Variants in LRRC37A2 observed in about 807,000 individuals in gnomAD.
The protein encoded by LRRC37A2 is leucine-rich repeat-containing protein 37A2.
In LRRC37A2, 9 loss-of-function variants were observed where a neutral mutation model predicts 68.8. The ratio of observed to expected loss-of-function variants is 0.13; its 90% CI spans 0.08 to 0.23. The LOEUF (loss-of-function observed/expected upper bound fraction) is 0.23, where lower values mean the gene tolerates loss of function less well. Among genes scored for constraint, LRRC37A2 ranks in the 10% least tolerant of loss-of-function variants. The pLI is 1.00. For missense variants in LRRC37A2, 168 were observed against 950.4 expected, an observed-to-expected ratio of 0.18 and a Z score of 10.82; for synonymous variants, 63 against 367.6, an observed-to-expected ratio of 0.17 and a Z score of 9.48.
chr17:46,779,869 C>CT, the LRRC37A2 span, among the ~76,000 whole-genome samples: 6 of 152,242 alleles, frequency 3.9e-5, no homozygotes, highest in Admixed American at 3.9e-4. Flanking sequence ...AGTGATTCTC[C>CT]TGCCTCGGCC....
the LRRC37A2 span, chr17:47,027,689 C>A: frequency 2.5e-6 from 2 of 784,626 alleles, no homozygotes; most frequent in Non-Finnish European, 4.3e-6. Flanking sequence ...TTATAAACCT[C>A]TTTGCTATTC....
chr17:46,966,782 A>T, the LRRC37A2 span: 38 of 429,440 alleles, frequency 8.8e-5, no homozygotes, highest in South Asian at 2.6e-3. Context: ...CCTGCCTTGC[A>T]AGAATTATTT....
At chr17:47,028,481 T>C in the LRRC37A2 span, 3 of 720,364 alleles carry the variant, frequency 4.2e-6, no homozygotes, top group Non-Finnish European at 7.4e-6. Context: ...TAAGATCCAT[T>C]CATTTTTCTC....
At chr17:46,939,923 T>G in the LRRC37A2 span, 2 of 999,820 alleles carry the variant, frequency 2.0e-6, no homozygotes, top group Non-Finnish European at 2.4e-6. Flanking sequence ...ATGTTCTCAT[T>G]TACCACAGGC....
the LRRC37A2 span, among the ~76,000 whole-genome samples, chr17:46,757,770 G>A: frequency 6.6e-6 from 1 of 151,994 alleles, no homozygotes; most frequent in African/African-American, 2.4e-5. Context: ...GAGGTGGGTG[G>A]ATCACTTGAG....
At chr17:46,996,957 A>T in the LRRC37A2 span, among the ~76,000 whole-genome samples, 1 of 152,228 alleles carries the variant, frequency 6.6e-6, no homozygotes, top group Non-Finnish European at 1.5e-5. Context: ...CCCAGAATTG[A>T]TGAGATAAGA....
the LRRC37A2 span, among the ~76,000 whole-genome samples, chr17:46,922,495 T>C: frequency 6.6e-6 from 1 of 152,170 alleles, no homozygotes; most frequent in East Asian, 1.9e-4. Flanking sequence ...TAAAAAATAA[T>C]AAAATAAAGA....
At chr17:46,764,442 T>C in the LRRC37A2 span, 1 of 152,460 alleles carries the variant, frequency 6.6e-6, no homozygotes, top group Non-Finnish European at 1.5e-5. Context: ...AAATGTAAGA[T>C]GAGAGAGAGG....
the LRRC37A2 span, among the ~76,000 whole-genome samples, chr17:46,710,148 A>G: frequency 7.2e-5 from 11 of 152,336 alleles, no homozygotes; most frequent in South Asian, 6.2e-4. Context: ...GAAATTCTCA[A>G]GATACATGAT....
At chr17:46,779,132 C>T in the LRRC37A2 span, among the ~76,000 whole-genome samples, 10 of 149,950 alleles carry the variant, frequency 6.7e-5, no homozygotes, top group Non-Finnish European at 5.9e-5. Flanking sequence ...TCCAAAGGGC[C>T]GGGCACATGC....
At chr17:46,900,182 T>TATATATAC in the LRRC37A2 span, among the ~76,000 whole-genome samples, 12 of 122,246 alleles carry the variant, frequency 9.8e-5, 1 homozygote, top group African/African-American at 4.6e-4. Flanking sequence ...TATATATATA[T>TATATATAC]ATATATATAT....
the LRRC37A2 span, among the ~76,000 whole-genome samples, chr17:46,405,999 T>C: frequency 2.2e-5 from 3 of 135,348 alleles, no homozygotes; most frequent in African/African-American, 8.2e-5. Context: ...CTATAGGAGA[T>C]ACAGTTCGTA....
At chr17:46,707,982 G>A in the LRRC37A2 span, among the ~76,000 whole-genome samples, 2 of 150,668 alleles carry the variant, frequency 1.3e-5, no homozygotes, top group East Asian at 2.0e-4. Flanking sequence ...GCAGTGAGCC[G>A]AGATTGTGCC....
the LRRC37A2 span, among the ~76,000 whole-genome samples, chr17:46,748,051 T>G: frequency 6.6e-6 from 1 of 152,342 alleles, no homozygotes; most frequent in African/African-American, 2.4e-5. Flanking sequence ...GCATTTGTCT[T>G]TTAGCCTTCA....
At chr17:46,545,781 T>C (rs1337232578) in intron 8 of LRRC37A2, among the ~76,000 whole-genome samples, 6 of 147,500 alleles carry the variant, frequency 4.1e-5, no homozygotes, top group Admixed American at 3.3e-4. Context: ...TGTCCAGATT[T>C]GACCAATGCA....
chr17:46,916,643 A>G, the LRRC37A2 span: 4 of 152,240 alleles, frequency 2.6e-5, no homozygotes, highest in East Asian at 7.7e-4. Context: ...TAGAGTGAAG[A>G]ATTGTGCAGC....
the LRRC37A2 span, among the ~76,000 whole-genome samples, chr17:46,981,806 A>G: frequency 6.6e-6 from 1 of 152,274 alleles, no homozygotes; most frequent in South Asian, 2.1e-4. Context: ...ACCTGGCTCA[A>G]GTGATCCCCT....
the LRRC37A2 span, among the ~76,000 whole-genome samples, chr17:46,922,556 A>G: frequency 6.6e-6 from 1 of 152,214 alleles, no homozygotes; most frequent in Non-Finnish European, 1.5e-5. Flanking sequence ...GAGAGTATAC[A>G]TATCTTATTT....
chr17:46,967,653 T>G, the LRRC37A2 span, among the ~76,000 whole-genome samples: 3 of 152,006 alleles, frequency 2.0e-5, no homozygotes, highest in African/African-American at 7.2e-5. Flanking sequence ...TACTGGGAAA[T>G]GGGCCGGTGC....
Sources: gnomAD v4.1 joint callset for allele counts (sites outside exome capture counted in the v4.1 genomes callset) on GRCh38, gnomAD v4.1.1 for gene constraint, MANE v1.5 for transcripts, NCBI Gene and HGNC (gene_info 2026-07-23, HGNC 2026-07-21) for gene names.